The following MTA3 variants were observed in gnomAD, a reference collection of about 807,000 sequenced individuals.
The protein encoded by MTA3 is metastasis associated 1 family member 3.
A neutral mutation model predicts 83.5 loss-of-function variants in MTA3; 34 were observed. The ratio of observed to expected loss-of-function variants is 0.41; its 90% confidence interval spans 0.31 to 0.54. MTA3 has a LOEUF of 0.54. Among genes scored for constraint, MTA3 ranks in the 20% least tolerant of loss-of-function variants. The pLI, the probability that MTA3 is intolerant of heterozygous loss-of-function variation, is 0.33. For missense variants in MTA3, 761 were observed against 726.4 expected (o/e 1.05, Z -0.55); for synonymous variants, 303 against 252.7 (o/e 1.20, Z -1.89).
rs1670278947 is a variant in MTA3, at chr2:42,756,906, A to G, written c.*3507A>G. ...GTCTGTAAGGAGATGCCATCTACTA[A>G]CCAATTTGTATTGTGTTTCCAATAA... is the stretch of plus-strand genomic sequence containing the variant. On this transcript the variant is annotated 3_prime_UTR_variant, in exon 17 of 17. Coordinates refer to ENST00000405094, the MANE Select transcript of MTA3 (RefSeq NM_001330442.2). 1 of 985,520 alleles carries G rather than the reference A, an allele frequency of 1.0e-6. No homozygotes were observed. The highest frequency in any genetic ancestry group is 1.2e-6 in the Non-Finnish European group (1 of 829,978). The allele number at this position is 985,520 out of a possible 1,614,324, so 61.0% of individuals were successfully genotyped here. A position where few individuals can be genotyped will look rare whatever the true frequency, so the allele number is the denominator to read the frequency against.
intron 4 of MTA3, among the ~76,000 whole-genome samples, chr2:42,613,434 C>T (rs922802165): frequency 2.6e-4 from 39 of 152,218 alleles, no homozygotes; most frequent in African/African-American, 9.2e-4. Flanking sequence ...GGGGCAGTCC[C>T]TGGCCAAGGC....
chr2:42,636,604 T>G (rs1180204811), intron 4 of MTA3, among the ~76,000 whole-genome samples: 3 of 151,244 alleles, frequency 2.0e-5, no homozygotes, highest in Admixed American at 2.0e-4. Context: ...GATCACTAAT[T>G]TAAACTTCTT....
intron 2 of MTA3, among the ~76,000 whole-genome samples, chr2:42,525,197 C>T (rs1553337576): frequency 0.041 from 2,600 of 62,770 alleles, 61 homozygotes; most frequent in African/African-American, 0.14. Context: ...TCTTCTTCTT[C>T]TTTTTTTTTT....
At chr2:42,561,328 C>CTT (rs1315536143) in intron 2 of MTA3, among the ~76,000 whole-genome samples, 2 of 143,852 alleles carry the variant, frequency 1.4e-5, no homozygotes, top group African/African-American at 5.1e-5. Context: ...TTATTTATTT[C>CTT]TTTTTTTTTT....
chr2:42,729,085 A>AGTTTTTT (rs1262937246), intron 16 of MTA3, among the ~76,000 whole-genome samples: 976 of 16,018 alleles, frequency 0.061, 194 homozygotes, highest in South Asian at 0.11. Flanking sequence ...TCACAGTTTG[A>AGTTTTTT]GTTTTTTTTT....
chr2:42,637,319 C>T (rs1687295564), intron 4 of MTA3, among the ~76,000 whole-genome samples: 1 of 152,160 alleles, frequency 6.6e-6, no homozygotes, highest in South Asian at 2.1e-4. Flanking sequence ...CATGCTTGGG[C>T]ATCTTTATTA....
At chr2:42,507,461 G>A (rs996033387) in intron 2 of MTA3, among the ~76,000 whole-genome samples, 1 of 152,004 alleles carries the variant, frequency 6.6e-6, no homozygotes, top group Non-Finnish European at 1.5e-5. Flanking sequence ...CACTGTGCCT[G>A]GCTGAGAATA....
At chr2:42,688,801 C>T (rs1021176957) in intron 9 of MTA3, among the ~76,000 whole-genome samples, 1 of 151,736 alleles carries the variant, frequency 6.6e-6, no homozygotes, top group Non-Finnish European at 1.5e-5. Flanking sequence ...ATCTGAATGC[C>T]TTTTATTTTT....
chr2:42,750,152 G>A (rs1337819449), intron 16 of MTA3, among the ~76,000 whole-genome samples: 2 of 151,850 alleles, frequency 1.3e-5, no homozygotes, highest in African/African-American at 4.8e-5. Flanking sequence ...CATAACACCT[G>A]GCTAATTTTT....
At chr2:42,582,092 G>C (rs957152776) in intron 3 of MTA3, among the ~76,000 whole-genome samples, 1 of 149,362 alleles carries the variant, frequency 6.7e-6, no homozygotes, top group Non-Finnish European at 1.5e-5. Context: ...GAGTCTTGCT[G>C]TGTCGCCCAG....
At chr2:42,682,680 G>C in intron 9 of MTA3, 91 bp downstream of exon 9, 1 of 1,159,252 alleles carries the variant, frequency 8.6e-7, no homozygotes, top group Non-Finnish European at 1.2e-6. Flanking sequence ...CATTTAGCAA[G>C]TTTGTGAGTT....
intron 3 of MTA3, among the ~76,000 whole-genome samples, chr2:42,600,858 T>C (rs979649607): frequency 1.3e-5 from 2 of 152,024 alleles, no homozygotes; most frequent in South Asian, 2.1e-4. Flanking sequence ...TCATTTCTTT[T>C]ACATCTTTTA....
chr2:42,495,033 A>C (rs186570782), intron 1 of MTA3: 2 of 152,688 alleles, frequency 1.3e-5, no homozygotes, highest in East Asian at 3.9e-4. Flanking sequence ...ACCGTGTTAG[A>C]TGCAAAACAA....
At position 42,570,421 on chromosome 2, in the gene MTA3, CT is replaced by C; in HGVS notation, c.29-14del. 6.8e-7 allele frequency: 1 copy of C among 1,466,532 alleles called. No individual in the cohort carries two copies. The highest frequency in any genetic ancestry group is 9.3e-7 in the Non-Finnish European group (1 of 1,075,576). 90.8% of individuals were successfully genotyped at this position (1,466,532 alleles called of 1,614,324 possible). On this transcript the variant is annotated splice_polypyrimidine_tract_variant and intron_variant, in intron 1 of 16. Transcript: ENST00000405094. ...TCTGTTAAAAAGATTAAGTTCTGTA[CT>C]TCCTTTAATTACAGATTATGTCTAC...
At chr2:42,578,118 C>T (rs1337900045) in intron 2 of MTA3, among the ~76,000 whole-genome samples, 1 of 152,148 alleles carries the variant, frequency 6.6e-6, no homozygotes, top group Non-Finnish European at 1.5e-5. Context: ...TTTACTGCAG[C>T]ACTTATATTC....
chr2:42,612,340 G>A (rs888695556), intron 4 of MTA3, among the ~76,000 whole-genome samples: 2 of 151,904 alleles, frequency 1.3e-5, no homozygotes, highest in Non-Finnish European at 2.9e-5. Flanking sequence ...TCAGCCTCCC[G>A]AGTAGCTGGG....
chr2:42,617,185 G>A (rs916388165), intron 4 of MTA3, among the ~76,000 whole-genome samples: 1 of 152,260 alleles, frequency 6.6e-6, no homozygotes, highest in Middle Eastern at 3.4e-3. Flanking sequence ...ATCCAGTATT[G>A]GATGGAGAAA....
At chr2:42,692,949 G>C (rs1693039588) in intron 9 of MTA3, among the ~76,000 whole-genome samples, 1 of 152,154 alleles carries the variant, frequency 6.6e-6, no homozygotes, top group Non-Finnish European at 1.5e-5. Context: ...AAAGGACTTG[G>C]GCCTCAAGCC....
intron 2 of MTA3, among the ~76,000 whole-genome samples, chr2:42,561,375 T>G (rs1572985799): frequency 1.3e-5 from 2 of 151,802 alleles, no homozygotes; most frequent in South Asian, 4.2e-4. Flanking sequence ...CAGGCTGGAG[T>G]GCAGTGGCAC....
Sources: gnomAD v4.1 joint callset for allele counts (sites outside exome capture counted in the v4.1 genomes callset) on GRCh38, gnomAD v4.1.1 for gene constraint, MANE v1.5 for transcripts, NCBI Gene and HGNC (gene_info 2026-07-23, HGNC 2026-07-21) for gene names.